The following PID1 variants were observed in gnomAD, a reference collection of about 807,000 sequenced individuals.
PID1 encodes PTB-containing, cubilin and LRP1-interacting protein.
In PID1, 10 loss-of-function variants were observed where a neutral mutation model predicts 19.1. The observed-to-expected ratio is 0.52, with a 90% CI of 0.32 to 0.89. The LOEUF (loss-of-function observed/expected upper bound fraction) is 0.89. PID1 is among the 40% of genes least tolerant of loss of function. PID1 has a pLI of 0.03. For missense variants in PID1, 248 were observed against 285.3 expected, an observed-to-expected ratio of 0.87 and a Z score of 0.94; for synonymous variants, 130 against 116.0, an observed-to-expected ratio of 1.12 and a Z score of -0.78.
At chr2:229,157,073 C>T in intron 1 of PID1, among the ~76,000 whole-genome samples, 1 of 152,154 alleles carries the variant, frequency 6.6e-6, no homozygotes, top group East Asian at 1.9e-4. Context: ...CACACACAAA[C>T]ACAGACTCAT....
chr2:229,033,745 G>A (rs762776158), intron 2 of PID1, among the ~76,000 whole-genome samples: 5 of 152,178 alleles, frequency 3.3e-5, no homozygotes, highest in Admixed American at 6.5e-5. Flanking sequence ...GTACCCAGCT[G>A]ACATAAAATA....
chr2:229,270,114 C>T (rs927954977), intron 1 of PID1, among the ~76,000 whole-genome samples: 6 of 152,320 alleles, frequency 3.9e-5, no homozygotes, highest in African/African-American at 1.4e-4. Flanking sequence ...TGTATTTTAC[C>T]AGTTAAACAC....
intron 2 of PID1, among the ~76,000 whole-genome samples, chr2:229,079,001 C>T (rs898945437): frequency 3.3e-5 from 5 of 152,118 alleles, no homozygotes; most frequent in African/African-American, 9.7e-5. Flanking sequence ...ACAAGTGATG[C>T]TATGTTTCCA....
chr2:229,044,421 C>T (rs1171126251), intron 2 of PID1, among the ~76,000 whole-genome samples: 1 of 151,952 alleles, frequency 6.6e-6, no homozygotes, highest in Admixed American at 6.6e-5. Flanking sequence ...GGCCCCTCTC[C>T]CCTGCTTCCC....
At chr2:229,082,339 G>A (rs1031502235) in intron 2 of PID1, among the ~76,000 whole-genome samples, 8 of 152,180 alleles carry the variant, frequency 5.3e-5, no homozygotes, top group African/African-American at 1.9e-4. Context: ...TTCTGTGATA[G>A]GCAGAATTCT....
At chr2:229,222,897 ACACATG>A (rs1432124949) in intron 1 of PID1, among the ~76,000 whole-genome samples, 82 of 64,076 alleles carry the variant, frequency 1.3e-3, no homozygotes, top group Non-Finnish European at 1.1e-3. Flanking sequence ...ACACACACAC[ACACATG>A]TACCCTATTG....
intron 2 of PID1, among the ~76,000 whole-genome samples, chr2:229,137,599 G>GCA (rs36005628): frequency 0.39 from 59,848 of 151,882 alleles, 11,950 homozygotes; most frequent in South Asian, 0.57. Context: ...GGCAGGTAAT[G>GCA]CACTGTAAAG....
At chr2:229,126,677 C>G (rs1695629170) in intron 2 of PID1, among the ~76,000 whole-genome samples, 1 of 152,190 alleles carries the variant, frequency 6.6e-6, no homozygotes, top group South Asian at 2.1e-4. Flanking sequence ...AAAACAGCAG[C>G]ATTTTCAGAG....
intron 2 of PID1, among the ~76,000 whole-genome samples, chr2:229,122,348 G>A (rs553980902): frequency 6.6e-6 from 1 of 152,254 alleles, no homozygotes; most frequent in East Asian, 1.9e-4. Flanking sequence ...GCATATCCCC[G>A]TGGGGCTCTG....
chr2:229,201,200 G>A (rs1691492373), intron 1 of PID1, among the ~76,000 whole-genome samples: 2 of 151,940 alleles, frequency 1.3e-5, no homozygotes, highest in South Asian at 2.1e-4. Context: ...AAATTGTTGT[G>A]TAACTATTAC....
At chr2:229,156,097 A>G (rs544390025) in intron 1 of PID1, 133 bp from the exon 2 acceptor site, 2 of 711,242 alleles carry the variant, frequency 2.8e-6, no homozygotes, top group African/African-American at 3.6e-5. Context: ...GATATTTAGT[A>G]AAACAGAGGA....
At chr2:229,142,151 G>A (rs1481221450) in intron 2 of PID1, among the ~76,000 whole-genome samples, 13 of 151,968 alleles carry the variant, frequency 8.6e-5, no homozygotes, top group Admixed American at 5.3e-4. Context: ...CCTGGGGCGG[G>A]GGCTGTATTT....
intron 2 of PID1, among the ~76,000 whole-genome samples, chr2:229,058,793 T>C (rs1467604015): frequency 6.7e-6 from 1 of 150,170 alleles, no homozygotes; most frequent in Non-Finnish European, 1.5e-5. Flanking sequence ...CTACCACTGA[T>C]TGTAACATGT....
chr2:229,149,524 T>A (rs1244427246), intron 2 of PID1, among the ~76,000 whole-genome samples: 1 of 152,104 alleles, frequency 6.6e-6, no homozygotes, highest in Non-Finnish European at 1.5e-5. Context: ...CAGAAACATC[T>A]CCCCTCCCTT....
At chr2:229,048,407 C>T (rs900874838) in intron 2 of PID1, among the ~76,000 whole-genome samples, 3 of 152,134 alleles carry the variant, frequency 2.0e-5, no homozygotes, top group Admixed American at 6.5e-5. Flanking sequence ...GAGGGTCTCT[C>T]GATTGCAAAG....
chr2:229,258,859 C>T (rs1317690718), intron 1 of PID1, among the ~76,000 whole-genome samples: 39 of 46,698 alleles, frequency 8.4e-4, no homozygotes, highest in Non-Finnish European at 1.6e-3. Context: ...GAGACTCCGT[C>T]TCAAAAAAAA....
intron 1 of PID1, among the ~76,000 whole-genome samples, chr2:229,248,457 T>C (rs940291937): frequency 2.6e-5 from 4 of 152,216 alleles, no homozygotes; most frequent in Non-Finnish European, 4.4e-5. Flanking sequence ...TCCATTGGAC[T>C]TTTCCAGTGG....
chr2:229,086,564 AAAG>A (rs1694770435), intron 2 of PID1, among the ~76,000 whole-genome samples: 1 of 152,178 alleles, frequency 6.6e-6, no homozygotes, highest in African/African-American at 2.4e-5. Flanking sequence ...TATAAAAGTA[AAAG>A]AAGGAGAGAG....
chr2:229,083,846 A>G (rs150426747), intron 2 of PID1, among the ~76,000 whole-genome samples: 43 of 152,344 alleles, frequency 2.8e-4, no homozygotes, highest in African/African-American at 9.9e-4. Context: ...CAACGCCACA[A>G]GAGAGCTGCC....
Sources: allele counts gnomAD v4.1 joint callset (sites outside exome capture counted in the v4.1 genomes callset), GRCh38; gene constraint gnomAD v4.1.1; transcripts MANE v1.5; gene names NCBI Gene and HGNC (gene_info 2026-07-23, HGNC 2026-07-21).